MRPS27: variants seen among roughly 807,000 people sequenced by gnomAD.
The protein encoded by MRPS27 is mitochondrial ribosomal protein S27.
MRPS27 carries 43 observed loss-of-function variants against 48.9 expected under a neutral mutation model. The observed-to-expected ratio is 0.88, with a 90% CI of 0.69 to 1.13. The LOEUF is 1.13. MRPS27 is among the 50% of genes most tolerant of loss of function. The pLI, the probability that MRPS27 is intolerant of heterozygous loss-of-function variation, is 0.00. For synonymous variants in MRPS27, 188 were observed against 171.9 expected, an observed-to-expected ratio of 1.09 and a Z score of -0.73; for missense variants, 467 against 476.3, an observed-to-expected ratio of 0.98 and a Z score of 0.18.
intron 4 of MRPS27, among the ~76,000 whole-genome samples, chr5:72,277,271 T>C (rs184755990): frequency 1.1e-4 from 16 of 152,258 alleles, no homozygotes; most frequent in Admixed American, 2.6e-4. Flanking sequence ...GATGGGAATA[T>C]AAATTAGTTC....
In MRPS27 at chr5:72,320,197, C is replaced by G. The variant is rs1750720627; in HGVS notation, c.25G>C (p.Gly9Arg). The G allele has an allele frequency of 6.2e-7, 1 of 1,613,942 alleles. No homozygotes were observed. Among genetic ancestry groups the G allele is most frequent in the East Asian group, 2.2e-5 (1 of 44,862 alleles). ...ACCACTTGCCGCGCCAGGAGCATCC[C>G]GCGCCGCACTATGGAGGCAGCCATC... Reference protein sequence around the residue: MAASIVRRGMLLARQVVLP... With the variant: MAASIVRRRMLLARQVVLP... Residue 9 changes from glycine to arginine, a missense_variant, in exon 1 of 11, where the codon GGG becomes CGG. Transcript: ENST00000261413.
rs150384579 is a variant in MRPS27 at position 72,302,375 on chromosome 5, C to T, written c.152-4673G>A. ...CTAATTCCCTGGGTTTGAGGTAGCA[C>T]GAGAGACTTAAACAATAGCCCCAGA... On this transcript the variant is annotated intron_variant, in intron 2 of 10. Transcript: ENST00000261413. Among the ~76,000 whole-genome samples, 128 of 152,136 alleles carry T rather than the reference C, an allele frequency of 8.4e-4. No individual in the cohort carries two copies. In the East Asian group the frequency reaches 0.021, roughly 25 times the overall value.
intron 1 of MRPS27, among the ~76,000 whole-genome samples, chr5:72,315,222 T>G (rs140129281): frequency 6.6e-6 from 1 of 152,168 alleles, no homozygotes; most frequent in East Asian, 1.9e-4. Flanking sequence ...ATCCAAAATA[T>G]TTCAATAAAT....
At chr5:72,251,509 G>A (rs1748664752) in intron 4 of MRPS27, among the ~76,000 whole-genome samples, 1 of 152,194 alleles carries the variant, frequency 6.6e-6, no homozygotes, top group South Asian at 2.1e-4. Flanking sequence ...CTTTCCACAT[G>A]CTTGGCAAGG....
In MRPS27 at chr5:72,226,165, CA is replaced by C; in HGVS notation, c.728del (p.Val243GlyfsTer7). The C allele has an allele frequency of 6.2e-7, 1 of 1,613,796 alleles. No individual in the cohort carries two copies. Among genetic ancestry groups the C allele is most frequent in the South Asian group, 1.1e-5 (1 of 91,074 alleles). ...TCCATATCAGAGGCATGTTGTGGTA[CA>C]CAGCCCGTAGCCCTTGCTGCAACTC... Reference protein sequence around the residue: ...KVELQQGLRAVYHNMPLIWKP... With the variant: ...KVELQQGLRAXYHNMPLIWKP... On this transcript the variant is annotated frameshift_variant, in exon 9 of 11. Coordinates refer to ENST00000261413, the MANE Select transcript of MRPS27 (RefSeq NM_015084.3). LOFTEE classifies it high-confidence loss of function.
At chr5:72,230,268 T>C (rs1046996023) in intron 7 of MRPS27, among the ~76,000 whole-genome samples, 23 of 152,160 alleles carry the variant, frequency 1.5e-4, no homozygotes, top group Non-Finnish European at 7.4e-5. Flanking sequence ...CTTCAAAGTT[T>C]TTCCATTTTA....
intron 4 of MRPS27, among the ~76,000 whole-genome samples, chr5:72,251,945 C>G (rs1748678798): frequency 6.6e-6 from 1 of 152,190 alleles, no homozygotes; most frequent in Non-Finnish European, 1.5e-5. Context: ...GCACCTGTTC[C>G]TGCTCCCAAC....
chr5:72,257,761 T>C (rs112407124), intron 4 of MRPS27, among the ~76,000 whole-genome samples: 49 of 148,414 alleles, frequency 3.3e-4, no homozygotes, highest in African/African-American at 1.1e-3. Flanking sequence ...GATGTACTGT[T>C]TATCTACCCA....
intron 4 of MRPS27, among the ~76,000 whole-genome samples, chr5:72,291,080 C>CT (rs750467075): frequency 3.9e-5 from 6 of 152,170 alleles, no homozygotes; most frequent in African/African-American, 7.2e-5. Context: ...CTCACCACAC[C>CT]TTTTTTCCGG....
intron 9 of MRPS27, 39 bp from the exon 10 acceptor site, chr5:72,223,889 T>G: frequency 6.2e-7 from 1 of 1,603,330 alleles, no homozygotes; most frequent in Middle Eastern, 1.7e-4. Context: ...AAATGTTTTA[T>G]GGCCCAAAAG....
chr5:72,223,641 T>A, intron 10 of MRPS27, 42 bp downstream of exon 10: 3 of 1,608,090 alleles, frequency 1.9e-6, no homozygotes, highest in Non-Finnish European at 2.6e-6. Context: ...GAGAAGTGTG[T>A]TTTATGCGCT....
intron 4 of MRPS27, among the ~76,000 whole-genome samples, chr5:72,248,669 TAAAAAAAAA>T (rs36063387): frequency 1.4e-5 from 1 of 70,294 alleles, no homozygotes; most frequent in African/African-American, 6.6e-5. Flanking sequence ...CATTTTCATT[TAAAAAAAAA>T]AAAAAAAAAA....
chr5:72,302,790 G>GT (rs1750157170), intron 2 of MRPS27, among the ~76,000 whole-genome samples: 1 of 152,204 alleles, frequency 6.6e-6, no homozygotes, highest in Non-Finnish European at 1.5e-5. Context: ...ACCAATACTT[G>GT]TAAGATGAGA....
chr5:72,224,145 T>C (rs1175246578), intron 9 of MRPS27, among the ~76,000 whole-genome samples: 5 of 151,814 alleles, frequency 3.3e-5, no homozygotes, highest in Admixed American at 6.6e-5. Flanking sequence ...GAAGAATTGC[T>C]TGAGCCCAGG....
At chr5:72,263,018 T>C (rs984587660) in intron 4 of MRPS27, among the ~76,000 whole-genome samples, 7 of 152,186 alleles carry the variant, frequency 4.6e-5, no homozygotes, top group Non-Finnish European at 7.3e-5. Flanking sequence ...TTTGCACAAC[T>C]GGGTTAACCA....
intron 5 of MRPS27, 69 bp from the exon 6 acceptor site, chr5:72,234,266 A>C: frequency 3.2e-6 from 4 of 1,237,110 alleles, no homozygotes; most frequent in Non-Finnish European, 4.2e-6. Context: ...ATATATGCCT[A>C]TGTATTATTC....
At chr5:72,235,280 G>A (rs1748171294) in intron 5 of MRPS27, among the ~76,000 whole-genome samples, 1 of 152,090 alleles carries the variant, frequency 6.6e-6, no homozygotes, top group Non-Finnish European at 1.5e-5. Flanking sequence ...AAAGCTGAAA[G>A]GGATTTTAGA....
chr5:72,234,838 C>T lies in MRPS27; in HGVS notation c.397-641G>A, dbSNP rs563633787. Among the ~76,000 whole-genome samples the T allele has an allele frequency of 3.9e-5, 6 of 152,154 alleles. No individual in the cohort carries two copies. In the South Asian group the frequency reaches 8.3e-4, roughly 21 times the overall value. On this transcript the variant is annotated intron_variant, in intron 5 of 10. Transcript: ENST00000261413. ...AATCTGTGGGAATTGGGCACAAAAC[C>T]CTGAATTTTTAGTGAGCTTCTTGTG... is the stretch of plus-strand genomic sequence containing the variant.
intron 4 of MRPS27, among the ~76,000 whole-genome samples, chr5:72,250,870 A>C (rs186024319): frequency 2.2e-4 from 34 of 152,344 alleles, no homozygotes; most frequent in African/African-American, 8.2e-4. Flanking sequence ...GAGGTAGTTA[A>C]GATATCAGCA....
Sources: gnomAD v4.1 joint callset for allele counts (sites outside exome capture counted in the v4.1 genomes callset) on GRCh38, gnomAD v4.1.1 for gene constraint, MANE v1.5 for transcripts, NCBI Gene and HGNC (gene_info 2026-07-23, HGNC 2026-07-21) for gene names.